The following DRC4 variants were observed in gnomAD, a reference collection of about 807,000 sequenced individuals.
DRC4 encodes GAS-11.
the DRC4 span, chr16:90,037,100 C>G: frequency 5.8e-3 from 4,828 of 826,318 alleles, 154 homozygotes; most frequent in African/African-American, 0.072. Flanking sequence ...TAGAAGACGT[C>G]TAGGTGCCAG....
At chr16:90,033,541 C>T in the DRC4 span, among the ~76,000 whole-genome samples, 2 of 152,106 alleles carry the variant, frequency 1.3e-5, no homozygotes. Context: ...TGGCACATGC[C>T]GATAGTTTCA....
chr16:90,032,946 G>A, the DRC4 span: 5 of 1,603,008 alleles, frequency 3.1e-6, no homozygotes, highest in South Asian at 4.4e-5. Context: ...GGGGGCACCT[G>A]GAGGCTGACA....
the DRC4 span, among the ~76,000 whole-genome samples, chr16:90,033,775 G>T: frequency 2.2e-4 from 33 of 152,084 alleles, no homozygotes; most frequent in Non-Finnish European, 4.1e-4. Context: ...GAGACAACAG[G>T]TGAGTTGGAA....
At chr16:90,042,568 CCCCCT>C in the DRC4 span, 2 of 1,573,868 alleles carry the variant, frequency 1.3e-6, no homozygotes, top group Non-Finnish European at 1.7e-6. Flanking sequence ...CTCAGGGGCA[CCCCCT>C]CGGTGCCCAG....
At chr16:90,032,321 G>A in the DRC4 span, among the ~76,000 whole-genome samples, 1 of 151,336 alleles carries the variant, frequency 6.6e-6, no homozygotes, top group South Asian at 2.1e-4. Flanking sequence ...TGTGGTGTGG[G>A]TGAGCAGGAG....
chr16:90,022,682 C>A, the DRC4 span: 1 of 1,422,040 alleles, frequency 7.0e-7, no homozygotes, highest in Non-Finnish European at 9.2e-7. Flanking sequence ...GGGCGGGCGC[C>A]CTGGTCCCGG....
the DRC4 span, among the ~76,000 whole-genome samples, chr16:90,039,065 C>T: frequency 6.6e-6 from 1 of 152,232 alleles, no homozygotes; most frequent in African/African-American, 2.4e-5. Context: ...AGGTCCTGCA[C>T]GACGTGCATT....
the DRC4 span, chr16:90,031,425 A>G: frequency 1.1e-5 from 17 of 1,612,370 alleles, no homozygotes; most frequent in South Asian, 1.7e-4. Context: ...GCTGGAGGAG[A>G]AGAAGGCTGA....
chr16:90,036,609 G>GGCTGA, the DRC4 span: 1 of 1,554,050 alleles, frequency 6.4e-7, no homozygotes, highest in African/African-American at 1.4e-5. Flanking sequence ...GGCTGGGCTG[G>GGCTGA]GGAGGCACAC....
At chr16:90,042,852 T>C in the DRC4 span, 45 of 503,644 alleles carry the variant, frequency 8.9e-5, no homozygotes, top group East Asian at 1.5e-3. Flanking sequence ...GAAACAGACG[T>C]CATTCAACAG....
chr16:90,033,005 A>C, the DRC4 span: 1 of 1,201,646 alleles, frequency 8.3e-7, no homozygotes. Flanking sequence ...TGTTTATTCA[A>C]CAGCAACTGG....
At chr16:90,020,139 CAT>C in the DRC4 span, 1 of 559,352 alleles carries the variant, frequency 1.8e-6, no homozygotes, top group South Asian at 2.2e-5. Flanking sequence ...ATTATATACA[CAT>C]TAGATCATTG....
chr16:90,040,035 C>G, the DRC4 span: 1 of 509,664 alleles, frequency 2.0e-6, no homozygotes, highest in Non-Finnish European at 3.6e-6. Context: ...CAGCTCTTAC[C>G]AGGACACTTA....
At chr16:90,037,190 C>T in the DRC4 span, 2 of 1,547,374 alleles carry the variant, frequency 1.3e-6, no homozygotes, top group African/African-American at 1.4e-5. Context: ...CCCTTTGGTT[C>T]TGCCTGCTGA....
chr16:90,022,691 G>T, the DRC4 span: 6 of 1,423,628 alleles, frequency 4.2e-6, no homozygotes, highest in Non-Finnish European at 5.5e-6. Flanking sequence ...CCCTGGTCCC[G>T]GAGTCGCCGC....
the DRC4 span, chr16:90,040,483 C>G: frequency 5.0e-6 from 8 of 1,606,148 alleles, no homozygotes; most frequent in African/African-American, 6.7e-5. Context: ...CCCTGCAGCC[C>G]TGACGCTGGT....
the DRC4 span, among the ~76,000 whole-genome samples, chr16:90,027,069 C>T: frequency 6.7e-6 from 1 of 150,068 alleles, no homozygotes. Flanking sequence ...CACACCAGCA[C>T]ACCTGGCTAG....
chr16:90,029,332 G>C, the DRC4 span: 1 of 1,359,146 alleles, frequency 7.4e-7, no homozygotes, highest in South Asian at 1.1e-5. Context: ...CGCAGCAGAG[G>C]ACAGTTTCAT....
At chr16:90,042,579 C>T in the DRC4 span, 7,803 of 1,537,918 alleles carry the variant, frequency 5.1e-3, 34 homozygotes, top group South Asian at 0.013. Context: ...CCCCTCGGTG[C>T]CCAGACTGTT....
Sources: gnomAD v4.1 joint callset for allele counts (sites outside exome capture counted in the v4.1 genomes callset) on GRCh38, gnomAD v4.1.1 for gene constraint, MANE v1.5 for transcripts, NCBI Gene and HGNC (gene_info 2026-07-23, HGNC 2026-07-21) for gene names.